GABRB1: variants seen among roughly 807,000 people sequenced by gnomAD.
The protein encoded by GABRB1 is gamma-aminobutyric acid receptor subunit beta-1.
GABRB1 carries 17 observed loss-of-function variants against 51.6 expected under a neutral mutation model. The ratio of observed to expected loss-of-function variants is 0.33; its 90% CI spans 0.23 to 0.49. The LOEUF (loss-of-function observed/expected upper bound fraction) is 0.49. Among genes scored for constraint, GABRB1 ranks in the 20% least tolerant of loss-of-function variants. The pLI is 0.99. For missense variants in GABRB1, 410 were observed against 600.6 expected (o/e 0.68, Z 3.32); for synonymous variants, 247 against 218.9 (o/e 1.13, Z -1.14).
intron 4 of GABRB1, among the ~76,000 whole-genome samples, chr4:47,191,408 T>G (rs1437898943): frequency 1.3e-5 from 2 of 152,156 alleles, no homozygotes; most frequent in Non-Finnish European, 2.9e-5. Flanking sequence ...CTTCACCCCC[T>G]AACTGTTCCA....
intron 4 of GABRB1, among the ~76,000 whole-genome samples, chr4:47,199,456 T>C (rs1402061207): frequency 6.6e-6 from 1 of 152,130 alleles, no homozygotes; most frequent in Non-Finnish European, 1.5e-5. Context: ...GAAAAATCCC[T>C]GTGTAGGAGC....
chr4:47,048,885 T>A (rs1360539598), intron 3 of GABRB1, among the ~76,000 whole-genome samples: 1 of 152,072 alleles, frequency 6.6e-6, no homozygotes, highest in Admixed American at 6.6e-5. Flanking sequence ...AACAGATCTT[T>A]TATTATTTCT....
intron 4 of GABRB1, among the ~76,000 whole-genome samples, chr4:47,285,741 A>G (rs994317271): frequency 2.0e-5 from 3 of 152,206 alleles, no homozygotes; most frequent in African/African-American, 7.2e-5. Context: ...AATAGCATCT[A>G]CATTTTAGCT....
At position 47,198,395 on chromosome 4, in the gene GABRB1, A is replaced by G. The variant is rs896277638; in HGVS notation, c.461+36926A>G. On this transcript the variant is annotated intron_variant, in intron 4 of 8. Transcript: ENST00000295454. The stretch of plus-strand genomic sequence containing the variant: ...AAAGGGTAGAATAATTTTGAGAAAC[A>G]TGACAGAAAAGGCGTAGATTGTCTT... Among the ~76,000 whole-genome samples, 3 of 152,220 alleles carry G rather than the reference A, an allele frequency of 2.0e-5. No individual in the cohort carries two copies. The East Asian group carries it at 5.8e-4, about 29-fold the overall frequency.
intron 5 of GABRB1, among the ~76,000 whole-genome samples, chr4:47,364,586 T>TA (rs1410870378): frequency 5.1e-5 from 7 of 138,524 alleles, no homozygotes; most frequent in East Asian, 4.2e-4. Context: ...ACTTAAAGAA[T>TA]AAAAAAAAGA....
chr4:47,032,073 CA>C (rs71654859), intron 2 of GABRB1, 68 bp downstream of exon 2: 6,233 of 442,478 alleles, frequency 0.014, no homozygotes, highest in East Asian at 0.021. Context: ...AGATAAATGT[CA>C]AAAAAAAAAA....
At chr4:47,380,941 G>A (rs145975430) in intron 5 of GABRB1, among the ~76,000 whole-genome samples, 169 of 152,090 alleles carry the variant, frequency 1.1e-3, no homozygotes, top group African/African-American at 3.8e-3. Context: ...ATACTTCCTC[G>A]ATTCAGCAAT....
chr4:47,377,053 G>A (rs1347782856), intron 5 of GABRB1, among the ~76,000 whole-genome samples: 1 of 151,792 alleles, frequency 6.6e-6, no homozygotes, highest in Non-Finnish European at 1.5e-5. Flanking sequence ...TAAAAAAAAA[G>A]GGTAGAGAGT....
At chr4:47,028,988 C>T (rs1405394271), upstream of GABRB1, among the ~76,000 whole-genome samples, 1 of 151,230 alleles carries the variant, frequency 6.6e-6, no homozygotes, top group Admixed American at 6.6e-5. Context: ...GCTCTTGTTT[C>T]GTTTTTGCTC....
At chr4:47,171,103 A>G (rs1718418988) in intron 4 of GABRB1, among the ~76,000 whole-genome samples, 1 of 152,170 alleles carries the variant, frequency 6.6e-6, no homozygotes, top group Admixed American at 6.6e-5. Flanking sequence ...TATTACAGCT[A>G]TTGTGTGAGT....
intron 3 of GABRB1, among the ~76,000 whole-genome samples, chr4:47,033,792 A>T (rs967938425): frequency 1.3e-5 from 2 of 152,234 alleles, no homozygotes; most frequent in Non-Finnish European, 2.9e-5. Context: ...CTCCTGCTTC[A>T]AATAACGTAT....
chr4:47,409,159 A>C (rs1728676779), intron 8 of GABRB1, among the ~76,000 whole-genome samples: 1 of 152,036 alleles, frequency 6.6e-6, no homozygotes, highest in Non-Finnish European at 1.5e-5. Flanking sequence ...TAGCATCTAG[A>C]GTTGGGTGCC....
At chr4:46,998,666 G>A (rs1011406988) in intron 1 of GABRB1, among the ~76,000 whole-genome samples, 4 of 149,600 alleles carry the variant, frequency 2.7e-5, no homozygotes, top group Non-Finnish European at 5.9e-5. Context: ...CCCGGGAGGC[G>A]GAGCTTGCAG....
chr4:47,397,107 G>T (rs2110044591), intron 5 of GABRB1, among the ~76,000 whole-genome samples: 1 of 152,056 alleles, frequency 6.6e-6, no homozygotes, highest in Non-Finnish European at 1.5e-5. Flanking sequence ...TTTTGATTCT[G>T]TTTATAGATT....
chr4:47,100,004 G>C (rs1314470270), intron 3 of GABRB1, among the ~76,000 whole-genome samples: 1 of 151,698 alleles, frequency 6.6e-6, no homozygotes, highest in Non-Finnish European at 1.5e-5. Flanking sequence ...ATCAAAGGAG[G>C]AATATAATAA....
At chr4:47,077,145 A>G in intron 3 of GABRB1, among the ~76,000 whole-genome samples, 1 of 152,192 alleles carries the variant, frequency 6.6e-6, no homozygotes, top group East Asian at 1.9e-4. Context: ...TGTTCCACAC[A>G]TCTGAAAGTG....
chr4:47,308,918 T>C (rs184849274), intron 4 of GABRB1, among the ~76,000 whole-genome samples: 8 of 152,262 alleles, frequency 5.3e-5, no homozygotes, highest in Non-Finnish European at 1.0e-4. Context: ...ACCAAGAAAC[T>C]ATTGCTATCG....
chr4:47,159,343 C>T (rs1346917715), intron 3 of GABRB1, among the ~76,000 whole-genome samples: 4 of 151,982 alleles, frequency 2.6e-5, no homozygotes, highest in South Asian at 2.1e-4. Flanking sequence ...ATGTCATTCA[C>T]GCATAATTAG....
At chr4:47,309,350 A>G (rs1030852957) in intron 4 of GABRB1, among the ~76,000 whole-genome samples, 1 of 152,054 alleles carries the variant, frequency 6.6e-6, no homozygotes, top group African/African-American at 2.4e-5. Context: ...CCCTGCCCCA[A>G]CAGAAGTGAA....
Sources: allele counts gnomAD v4.1 joint callset (sites outside exome capture counted in the v4.1 genomes callset), GRCh38; gene constraint gnomAD v4.1.1; transcripts MANE v1.5; gene names NCBI Gene and HGNC (gene_info 2026-07-23, HGNC 2026-07-21).